Variants in MMP20 observed in about 807,000 individuals in gnomAD.
MMP20 encodes the protein matrix metalloproteinase-20.
Under a neutral mutation model 51.8 loss-of-function variants are expected in MMP20, and 50 were observed. That is an observed-to-expected ratio of 0.97 (90% confidence interval 0.77 to 1.22). The LOEUF is 1.22. Among genes scored for constraint, MMP20 ranks in the 50% most tolerant of loss-of-function variants. The pLI is 0.00. For missense variants in MMP20, 663 were observed against 601.4 expected (o/e 1.10, Z -1.07); for synonymous variants, 244 against 216.2 (o/e 1.13, Z -1.13).
intron 2 of MMP20, among the ~76,000 whole-genome samples, chr11:102,613,969 A>G (rs1859635116): frequency 6.6e-6 from 1 of 152,202 alleles, no homozygotes; most frequent in African/African-American, 2.4e-5. Flanking sequence ...GGAGAGAGGG[A>G]TAGCACCAGA....
At chr11:102,595,319 C>A (rs914769662) in intron 6 of MMP20, among the ~76,000 whole-genome samples, 1 of 152,118 alleles carries the variant, frequency 6.6e-6, no homozygotes, top group African/African-American at 2.4e-5. Flanking sequence ...TTTCTGTGAT[C>A]CCCTCTCCTT....
rs145788810 is a variant in MMP20, at chr11:102,605,094, G to A, written c.953+1441C>T. Among the ~76,000 whole-genome samples the A allele has an allele frequency of 5.9e-5, 9 of 152,276 alleles. No individual in the cohort carries two copies. The East Asian group carries it at 1.7e-3, about 29-fold the overall frequency. On this transcript the variant is annotated intron_variant, in intron 6 of 9. Transcript: ENST00000260228. ...CATTCCTGACTCATGAGGTCATGAG[G>A]GTGGGGGCCCCATGATGGGACTAGT...
At chr11:102,592,056 C>T (rs577875084) in intron 8 of MMP20, among the ~76,000 whole-genome samples, 6 of 152,304 alleles carry the variant, frequency 3.9e-5, no homozygotes, top group Admixed American at 6.5e-5. Flanking sequence ...CTCCAACAGA[C>T]GTGCTTACAC....
intron 6 of MMP20, among the ~76,000 whole-genome samples, chr11:102,598,179 C>G (rs1018554162): frequency 6.6e-6 from 1 of 152,130 alleles, no homozygotes; most frequent in African/African-American, 2.4e-5. Flanking sequence ...AATTTGCATC[C>G]TTAGACCTAT....
At chr11:102,615,491 T>C (rs1355776025) in intron 2 of MMP20, among the ~76,000 whole-genome samples, 1 of 152,156 alleles carries the variant, frequency 6.6e-6, no homozygotes, top group African/African-American at 2.4e-5. Context: ...GCTTAGACTA[T>C]TGCACGAGTC....
chr11:102,596,182 G>A (rs1391538685), intron 6 of MMP20, among the ~76,000 whole-genome samples: 2 of 152,204 alleles, frequency 1.3e-5, no homozygotes, highest in East Asian at 1.9e-4. Context: ...CACACAAGAA[G>A]TATATCCCAT....
Position 102,577,391 on chromosome 11 carries a change from T to C in MMP20, c.1387A>G (p.Lys463Glu). The C allele has an allele frequency of 2.5e-6, 4 of 1,614,042 alleles. No individual in the cohort carries two copies. Among genetic ancestry groups the C allele is most frequent in the Non-Finnish European group, 3.4e-6 (4 of 1,179,924 alleles). ...ACATCTTCCTTCTCTGTGTCATACT[T>C]GTATGTTTTTGGTCCTGAAAAGAAG... ...IYFFSGPKTY[K>E]YDTEKEDVVS... Residue 463 changes from lysine (K) to glutamate (E), a missense_variant, in exon 10 of 10, where the codon AAG (lysine) becomes GAG (glutamate). Lys to Glu is a moderately conservative substitution (Grantham distance 56). Coordinates refer to ENST00000260228, the MANE Select transcript of MMP20 (RefSeq NM_004771.4).
intron 8 of MMP20, among the ~76,000 whole-genome samples, chr11:102,581,169 C>T (rs890515550): frequency 3.6e-5 from 5 of 137,802 alleles, no homozygotes; most frequent in Admixed American, 7.1e-5. Context: ...CACATGCACA[C>T]GCACACACCA....
chr11:102,589,829 C>G (rs1209475459), intron 8 of MMP20, among the ~76,000 whole-genome samples: 1 of 151,982 alleles, frequency 6.6e-6, no homozygotes, highest in Non-Finnish European at 1.5e-5. Context: ...ATTTTTGAAC[C>G]CTATTTCATC....
chr11:102,608,488 A>C (rs1859548578), intron 5 of MMP20, among the ~76,000 whole-genome samples: 1 of 152,230 alleles, frequency 6.6e-6, no homozygotes, highest in Non-Finnish European at 1.5e-5. Context: ...AGGCTGGTGT[A>C]AGACTACACA....
chr11:102,598,955 G>T (rs1425040225), intron 6 of MMP20, among the ~76,000 whole-genome samples: 4 of 151,416 alleles, frequency 2.6e-5, no homozygotes, highest in Non-Finnish European at 5.9e-5. Context: ...CACTCTCTTA[G>T]ATTCTGATCT....
rs751440936 is a variant in MMP20, at chr11:102,625,260, G to C, written c.60C>G (p.Ser20=). 1 of 1,613,876 alleles carries C rather than the reference G, an allele frequency of 6.2e-7. No homozygotes were observed. Residue 20 remains serine, a synonymous_variant, in exon 1 of 10, where the codon TCC becomes TCG. Transcript: ENST00000260228. The stretch of plus-strand genomic sequence containing the variant: ...CTGCAACTAGGGAGGGGGCTGCAGT[G>C]GAAAACTTCAAAGCCATGATGAGGA... ...AVFLIMALKF[S]TAAPSLVAAS...
At chr11:102,605,559 T>C (rs1364374114) in intron 6 of MMP20, 1 of 151,910 alleles carries the variant, frequency 6.6e-6, no homozygotes, top group Non-Finnish European at 1.5e-5. Flanking sequence ...CCCAGGTACT[T>C]GCTTCTTGTT....
At chr11:102,615,359 C>T (rs1456494155) in intron 2 of MMP20, among the ~76,000 whole-genome samples, 1 of 151,444 alleles carries the variant, frequency 6.6e-6, no homozygotes, top group African/African-American at 2.4e-5. Context: ...CATAATTTAA[C>T]AATGGCTGTC....
chr11:102,579,061 G>A lies in MMP20; in HGVS notation c.1329C>T (p.Ile443=), dbSNP rs139032178. 4 of 1,611,962 alleles carry A rather than the reference G, an allele frequency of 2.5e-6. No homozygotes were observed. The highest frequency in any genetic ancestry group is 1.7e-5 in the Admixed American group (1 of 60,014). The stretch of plus-strand genomic sequence containing the variant: ...TACCATTTAATTCTACAGCAGCATC[G>A]ATTTGGCCATTTACTCCTGAAAATT... ...EEEFSGVNGQ[I]DAAVELNGYI... Residue 443 remains isoleucine, a synonymous_variant, in exon 9 of 10, where the codon ATC becomes ATT. Transcript: ENST00000260228.
At chr11:102,599,666 A>T (rs969778042) in intron 6 of MMP20, among the ~76,000 whole-genome samples, 1 of 152,228 alleles carries the variant, frequency 6.6e-6, no homozygotes, top group Non-Finnish European at 1.5e-5. Flanking sequence ...CAATATAGCC[A>T]AGTTTCCTTC....
At position 102,616,869 on chromosome 11, in the gene MMP20, G is replaced by A. The variant is rs764558250; in HGVS notation, c.317C>T (p.Ala106Val). The change falls in exon 2 of 10, where the codon GCC becomes GTC. Residue 106 changes from alanine to valine, a missense_variant. Transcript: ENST00000260228. ...TTCACCAGGGAAGAGGCGATAATTG[G>A]CCACATCAGGAACTCCACAGCGAGG... ...KKPRCGVPDV[A>V]NYRLFPGEPK... 13 of 1,614,042 alleles carry A rather than the reference G, an allele frequency of 8.1e-6. No homozygotes were observed. In the Admixed American group the frequency reaches 1.5e-4, roughly 19 times the overall value.
At chr11:102,582,797 T>C (rs1271830499) in intron 8 of MMP20, among the ~76,000 whole-genome samples, 1 of 151,992 alleles carries the variant, frequency 6.6e-6, no homozygotes, top group Non-Finnish European at 1.5e-5. Flanking sequence ...AGGAAAAAAA[T>C]AGAAGAAAAA....
chr11:102,593,559 T>C lies in MMP20; in HGVS notation c.1127A>G (p.Gln376Arg). ...HYWITRGFQMQGPPRTIYDFG... is the reference protein window; with the variant it reads ...HYWITRGFQMRGPPRTIYDFG... ...GTCATAAATAGTCCGAGGAGGACCT[T>C]GCATTTGGAATCCTCTTGTTATCCA... is the stretch of plus-strand genomic sequence containing the variant. Residue 376 changes from glutamine to arginine, a missense_variant, in exon 8 of 10, where the codon CAA becomes CGA. Transcript: ENST00000260228. The C allele has an allele frequency of 6.2e-7, 1 of 1,614,138 alleles. No homozygotes were observed. The highest frequency in any genetic ancestry group is 1.1e-5 in the South Asian group (1 of 91,080).
Sources: gnomAD v4.1 joint callset for allele counts (sites outside exome capture counted in the v4.1 genomes callset) on GRCh38, gnomAD v4.1.1 for gene constraint, MANE v1.5 for transcripts, NCBI Gene and HGNC (gene_info 2026-07-23, HGNC 2026-07-21) for gene names.